Variants in HPRT1 observed in about 807,000 individuals in gnomAD.
HPRT1 encodes hypoxanthine-guanine phosphoribosyltransferase.
A neutral mutation model predicts 19.0 loss-of-function variants in HPRT1; 4 were observed. That is an observed-to-expected ratio of 0.21 (90% CI 0.10 to 0.48). HPRT1 has a LOEUF of 0.48. Among genes scored for constraint, HPRT1 ranks in the 20% least tolerant of loss-of-function variants. The pLI, the probability that HPRT1 is intolerant of heterozygous loss-of-function variation, is 0.98. For missense variants in HPRT1, 65 were observed against 164.0 expected, an observed-to-expected ratio of 0.40 and a Z score of 3.30; for synonymous variants, 53 against 54.9, an observed-to-expected ratio of 0.97 and a Z score of 0.15.
intron 1 of HPRT1, among the ~76,000 whole-genome samples, chrX:134,471,892 G>T (rs17882487): frequency 8.9e-5 from 10 of 111,951 alleles, no homozygotes; most frequent in African/African-American, 3.2e-4. Context: ...GCCCACCTGG[G>T]CCTCCCAAAA....
intron 1 of HPRT1, among the ~76,000 whole-genome samples, chrX:134,467,196 A>T (rs1429144102): frequency 1.8e-5 from 2 of 109,846 alleles, no homozygotes; most frequent in African/African-American, 6.6e-5. Flanking sequence ...GACTACAGGC[A>T]CGTGCCACCA....
chrX:134,486,370 C>T, intron 3 of HPRT1, 95 bp from the exon 4 acceptor site: 1 of 389,864 alleles, frequency 2.6e-6, no homozygotes. Flanking sequence ...TTCTAGTTCT[C>T]ATTTAATTTG....
intron 5 of HPRT1, among the ~76,000 whole-genome samples, chrX:134,490,505 A>C (rs867124449): frequency 9.7e-6 from 1 of 103,226 alleles, no homozygotes; most frequent in African/African-American, 3.7e-5. Context: ...TTTTATGTAT[A>C]TATATATATA....
intron 3 of HPRT1, among the ~76,000 whole-genome samples, chrX:134,479,510 T>G (rs1363270428): frequency 1.8e-5 from 2 of 112,220 alleles, no homozygotes; most frequent in Non-Finnish European, 3.8e-5. Context: ...CCTCTGGTGA[T>G]CCACCCGCCT....
chrX:134,491,006 G>GTATA lies in HPRT1; in HGVS notation c.402+815_402+818dup, dbSNP rs370671664. Among the ~76,000 whole-genome samples the GTATA allele has an allele frequency of 2.3e-3, 225 of 96,464 alleles. 1 individual carries two copies. Among genetic ancestry groups the GTATA allele is most frequent in the South Asian group, 9.3e-3 (19 of 2,034 alleles). 83.8% of individuals were successfully genotyped at this position (96,464 alleles called of 115,157 possible). Reference sequence around the variant, plus strand: ...TCTCTCTCTCTCTCTCTCTCTCTATGTATATATATATATATATCACTTATC... The same window carrying GTATA: ...TCTCTCTCTCTCTCTCTCTCTCTATGTATATATATATATATATATATCACTTATC... On this transcript the variant is annotated intron_variant, in intron 5 of 8. Coordinates refer to ENST00000298556, the MANE Select transcript of HPRT1 (RefSeq NM_000194.3).
At chrX:134,493,687 A>G (rs1032437249) in intron 6 of HPRT1, 97 bp downstream of exon 6, 1 of 593,825 alleles carries the variant, frequency 1.7e-6, no homozygotes, top group African/African-American at 2.2e-5. Flanking sequence ...CTGTCATTTT[A>G]TCTTCGAAAA....
chrX:134,482,450 C>A (rs1252774525), intron 3 of HPRT1, among the ~76,000 whole-genome samples: 1 of 112,369 alleles, frequency 8.9e-6, no homozygotes, highest in Non-Finnish European at 1.9e-5. Flanking sequence ...TAGAGCAATG[C>A]TGTTCAATAG....
intron 6 of HPRT1, among the ~76,000 whole-genome samples, chrX:134,497,721 C>T (rs759586925): frequency 2.7e-5 from 3 of 110,951 alleles, no homozygotes; most frequent in Non-Finnish European, 5.7e-5. Flanking sequence ...CCGAGGTGGG[C>T]GGATCACGAG....
intron 1 of HPRT1, among the ~76,000 whole-genome samples, chrX:134,465,210 CTT>C (rs754295702): frequency 1.0e-5 from 1 of 100,105 alleles, no homozygotes; most frequent in African/African-American, 3.6e-5. Context: ...GCCAACATGT[CTT>C]TTTTTTTTTT....
In HPRT1 at chrX:134,500,392, A is replaced by G. The variant is rs1210274594; in HGVS notation, c.*315A>G. The G allele has an allele frequency of 5.1e-6, 1 of 197,692 alleles. No homozygotes were observed. The highest frequency in any genetic ancestry group is 9.8e-5 in the East Asian group (1 of 10,228). The allele number at this position is 197,692 out of a possible 1,213,427, so 16.3% of individuals were successfully genotyped here. On this transcript the variant is annotated 3_prime_UTR_variant, in exon 9 of 9. Transcript: ENST00000298556. ...TATCTGTAAGAAATAAAGAGAAGAT[A>G]TATTAGTTTTTTAATTGGTATTTTA... is the stretch of plus-strand genomic sequence containing the variant.
intron 2 of HPRT1, 132 bp downstream of exon 2, chrX:134,473,597 C>A: frequency 2.2e-6 from 1 of 461,738 alleles, no homozygotes; most frequent in Non-Finnish European, 3.8e-6. Flanking sequence ...TTTCTAAAAT[C>A]TTCTTTATTA....
chrX:134,490,144 C>T (rs2077662768), intron 4 of HPRT1, 44 bp from the exon 5 acceptor site: 6 of 878,964 alleles, frequency 6.8e-6, no homozygotes, highest in Non-Finnish European at 8.2e-6. Flanking sequence ...TTGGAAATAC[C>T]GTTTTATTCA....
intron 3 of HPRT1, among the ~76,000 whole-genome samples, chrX:134,479,559 C>T (rs72615439): frequency 0.13 from 14,650 of 111,215 alleles, 968 homozygotes; most frequent in East Asian, 0.43. Flanking sequence ...CGTGAGCCAC[C>T]GTGCCTGGCC....
intron 5 of HPRT1, 110 bp downstream of exon 5, chrX:134,490,315 G>T: frequency 2.4e-6 from 1 of 409,525 alleles, no homozygotes; most frequent in Non-Finnish European, 4.2e-6. Flanking sequence ...TTTTAATGGT[G>T]GGCTTGTGTT....
chrX:134,482,117 C>T (rs1426229393), intron 3 of HPRT1, among the ~76,000 whole-genome samples: 1 of 110,161 alleles, frequency 9.1e-6, no homozygotes, highest in Non-Finnish European at 1.9e-5. Context: ...TGTAGTGGTG[C>T]AATCTCATCT....
chrX:134,479,646 T>C (rs1044171964), intron 3 of HPRT1, among the ~76,000 whole-genome samples: 15 of 111,282 alleles, frequency 1.3e-4, no homozygotes, highest in Non-Finnish European at 3.8e-5. Context: ...TCTTGCTCTG[T>C]CACCCAGGCT....
chrX:134,483,204 T>C (rs1314121880), intron 3 of HPRT1, among the ~76,000 whole-genome samples: 1 of 111,067 alleles, frequency 9.0e-6, no homozygotes, highest in Admixed American at 9.6e-5. Flanking sequence ...CTTTCTCTCC[T>C]TATAGTTCAA....
rs111997872 is a variant in HPRT1, at chrX:134,480,805, T to TTG, written c.318+5465_318+5466dup. On this transcript the variant is annotated intron_variant, in intron 3 of 8. Transcript: ENST00000298556. The stretch of plus-strand genomic sequence containing the variant: ...CACACACACAAACACATATGTGTAT[T>TTG]TGTGTGTGTGTGTGTGTGTGTGTGT... 4.9e-3 allele frequency among the ~76,000 whole-genome samples: 448 copies of TTG among 91,582 alleles called. 2 individuals carry two copies. Among genetic ancestry groups the TTG allele is most frequent in the Middle Eastern group, 0.011 (2 of 176 alleles). The allele number at this position is 91,582 out of a possible 115,157, so 79.5% of individuals were successfully genotyped here.
At chrX:134,495,977 A>C (rs1427822644) in intron 6 of HPRT1, among the ~76,000 whole-genome samples, 1 of 112,493 alleles carries the variant, frequency 8.9e-6, no homozygotes, top group African/African-American at 3.2e-5. Context: ...CATTGTACAA[A>C]TATATCACAT....
Sources: allele counts gnomAD v4.1 joint callset (sites outside exome capture counted in the v4.1 genomes callset), GRCh38; gene constraint gnomAD v4.1.1; transcripts MANE v1.5; gene names NCBI Gene and HGNC (gene_info 2026-07-23, HGNC 2026-07-21).